The following TSPAN9 variants were observed in gnomAD, a reference collection of about 807,000 sequenced individuals.
The protein encoded by TSPAN9 is tetraspanin-9.
TSPAN9 carries 16 observed loss-of-function variants against 31.0 expected under a neutral mutation model. The observed-to-expected ratio is 0.52, with a 90% CI of 0.35 to 0.78. TSPAN9 has a LOEUF of 0.78. Among genes scored for constraint, TSPAN9 ranks in the 30% least tolerant of loss-of-function variants. The pLI is 0.01. For missense variants in TSPAN9, 272 were observed against 312.5 expected (o/e 0.87, Z 0.98); for synonymous variants, 145 against 121.6 (o/e 1.19, Z -1.27).
At chr12:3,151,995 A>G (rs939689849) in intron 2 of TSPAN9, among the ~76,000 whole-genome samples, 1 of 152,164 alleles carries the variant, frequency 6.6e-6, no homozygotes, top group Non-Finnish European at 1.5e-5. Flanking sequence ...GGCGTAAGTA[A>G]ATTTCCTGCA....
intron 3 of TSPAN9, among the ~76,000 whole-genome samples, chr12:3,245,384 T>C (rs1451362928): frequency 2.6e-5 from 4 of 152,240 alleles, no homozygotes; most frequent in Admixed American, 2.6e-4. Flanking sequence ...GAAGGCTGAC[T>C]CTTGCCGAGG....
chr12:3,153,122 T>C (rs2098340657), intron 2 of TSPAN9, among the ~76,000 whole-genome samples: 1 of 152,240 alleles, frequency 6.6e-6, no homozygotes, highest in African/African-American at 2.4e-5. Context: ...CTCTTCAGAC[T>C]GATTTGTGAC....
intron 3 of TSPAN9, among the ~76,000 whole-genome samples, chr12:3,244,702 C>T (rs922719679): frequency 1.4e-4 from 22 of 152,296 alleles, no homozygotes; most frequent in African/African-American, 4.6e-4. Flanking sequence ...TAGATGGTCT[C>T]TTTAGTCACG....
intron 2 of TSPAN9, among the ~76,000 whole-genome samples, chr12:3,089,771 G>A (rs1341006282): frequency 1.3e-5 from 2 of 151,456 alleles, no homozygotes; most frequent in African/African-American, 2.4e-5. Context: ...ACGTAGCCAG[G>A]CATGCATACC....
intron 3 of TSPAN9, among the ~76,000 whole-genome samples, chr12:3,268,356 G>A (rs1862582221): frequency 1.8e-5 from 2 of 111,074 alleles, no homozygotes; most frequent in Non-Finnish European, 1.9e-5. Context: ...CTGTGTTCCT[G>A]CAGCCTGCCC....
intron 3 of TSPAN9, among the ~76,000 whole-genome samples, chr12:3,242,535 G>A (rs570472671): frequency 7.9e-5 from 12 of 152,364 alleles, no homozygotes; most frequent in Non-Finnish European, 5.9e-5. Flanking sequence ...TCCCCTGGTG[G>A]CCAGGTGTTT....
intron 3 of TSPAN9, among the ~76,000 whole-genome samples, chr12:3,237,019 G>A (rs546641843): frequency 1.3e-5 from 2 of 152,296 alleles, no homozygotes; most frequent in South Asian, 2.1e-4. Flanking sequence ...TGAGCAGTGC[G>A]GTGTGAGGAT....
chr12:3,182,593 T>C (rs2098359050), intron 2 of TSPAN9, among the ~76,000 whole-genome samples: 1 of 152,022 alleles, frequency 6.6e-6, no homozygotes, highest in Non-Finnish European at 1.5e-5. Flanking sequence ...TGGGAGATGC[T>C]AAAGGTAACT....
At chr12:3,218,857 T>C (rs2098382770) in intron 3 of TSPAN9, among the ~76,000 whole-genome samples, 1 of 152,142 alleles carries the variant, frequency 6.6e-6, no homozygotes, top group East Asian at 1.9e-4. Flanking sequence ...AACCTGATAT[T>C]TCTCTTTTTC....
chr12:3,275,999 C>G (rs949406610), intron 3 of TSPAN9, among the ~76,000 whole-genome samples: 1 of 152,204 alleles, frequency 6.6e-6, no homozygotes, highest in Non-Finnish European at 1.5e-5. Context: ...TCAAATTGGA[C>G]CATTTCTCAC....
intron 2 of TSPAN9, among the ~76,000 whole-genome samples, chr12:3,100,670 C>A (rs11062499): frequency 0.2 from 30,683 of 152,208 alleles, 3,893 homozygotes; most frequent in South Asian, 0.38. Context: ...TGAAGACTCA[C>A]CCCAGGCATC....
intron 2 of TSPAN9, among the ~76,000 whole-genome samples, chr12:3,184,585 G>A (rs1008246248): frequency 6.6e-5 from 10 of 152,126 alleles, no homozygotes; most frequent in African/African-American, 2.2e-4. Context: ...AGGTAGCAGG[G>A]CTCCCCGATG....
At chr12:3,255,842 G>T (rs898328035) in intron 3 of TSPAN9, among the ~76,000 whole-genome samples, 1 of 152,254 alleles carries the variant, frequency 6.6e-6, no homozygotes, top group African/African-American at 2.4e-5. Flanking sequence ...GTACAGAGAT[G>T]AGAGCATGAT....
intron 2 of TSPAN9, among the ~76,000 whole-genome samples, chr12:3,141,526 A>G (rs1044029157): frequency 1.3e-5 from 2 of 151,982 alleles, no homozygotes; most frequent in Admixed American, 6.6e-5. Flanking sequence ...GTCTTTGAGG[A>G]GGCCGTGCGT....
intron 2 of TSPAN9, among the ~76,000 whole-genome samples, chr12:3,178,074 T>C (rs888583564): frequency 3.9e-5 from 6 of 152,174 alleles, no homozygotes; most frequent in African/African-American, 1.2e-4. Context: ...GTGGTGGTAT[T>C]GATCAGGGAT....
chr12:3,118,783 C>T (rs1186216082), intron 2 of TSPAN9, among the ~76,000 whole-genome samples: 1 of 152,204 alleles, frequency 6.6e-6, no homozygotes, highest in Non-Finnish European at 1.5e-5. Flanking sequence ...CCTAATTTCT[C>T]TGCCTAGTTT....
chr12:3,202,964 G>T (rs180781846), intron 3 of TSPAN9, among the ~76,000 whole-genome samples: 1 of 152,354 alleles, frequency 6.6e-6, no homozygotes, highest in East Asian at 1.9e-4. Context: ...ACTGGTGTGT[G>T]CTTCCCTGGT....
At chr12:3,272,439 C>T (rs983317839) in intron 3 of TSPAN9, among the ~76,000 whole-genome samples, 4 of 151,786 alleles carry the variant, frequency 2.6e-5, no homozygotes, top group Non-Finnish European at 4.4e-5. Flanking sequence ...ATGTTCTGGG[C>T]CCTACAATGG....
intron 1 of TSPAN9, among the ~76,000 whole-genome samples, chr12:3,082,952 C>T (rs890409430): frequency 6.6e-6 from 1 of 152,190 alleles, no homozygotes; most frequent in Non-Finnish European, 1.5e-5. Flanking sequence ...AGAAATGAAG[C>T]TTGCACTTTC....
Sources: allele counts gnomAD v4.1 joint callset (sites outside exome capture counted in the v4.1 genomes callset), GRCh38; gene constraint gnomAD v4.1.1; transcripts MANE v1.5; gene names NCBI Gene and HGNC (gene_info 2026-07-23, HGNC 2026-07-21).